The following PCDHGA2 variants were observed in gnomAD, a reference collection of about 807,000 sequenced individuals.
PCDHGA2 encodes protocadherin gamma subfamily A, 2, also known as protocadherin gamma-A2.
A neutral mutation model predicts 59.2 loss-of-function variants in PCDHGA2; 40 were observed. That is an observed-to-expected ratio of 0.68 (90% confidence interval 0.52 to 0.88). The LOEUF (loss-of-function observed/expected upper bound fraction) is 0.88. PCDHGA2 is among the 40% of genes least tolerant of loss of function. The probability of loss-of-function intolerance (pLI) is 0.00; values close to 1 mark genes in which losing one functional copy is unlikely to be tolerated. For missense variants in PCDHGA2, 1,226 were observed against 1,204.0 expected, an observed-to-expected ratio of 1.02 and a Z score of -0.27; for synonymous variants, 560 against 526.0, an observed-to-expected ratio of 1.06 and a Z score of -0.89.
Position 141,431,021 on chromosome 5 carries a change from G to A in PCDHGA2, c.2425-63786G>A. On this transcript the variant is annotated intron_variant, in intron 1 of 3. Coordinates refer to ENST00000394576, the MANE Select transcript of PCDHGA2 (RefSeq NM_018915.4). This position sits in a 1 kb window ranked among gnomAD's most constrained non-coding sequence, Gnocchi z 4.8. ...GCGCAGCGGCAGCTTGGTCACGGCG[G>A]GCAGGATAGACCGGGAGGAGCTCTG... is the stretch of plus-strand genomic sequence containing the variant. 1 of 1,613,940 alleles carries A rather than the reference G, an allele frequency of 6.2e-7. No individual in the cohort carries two copies. Among genetic ancestry groups the A allele is most frequent in the Non-Finnish European group, 8.5e-7 (1 of 1,179,936 alleles).
chr5:141,378,924 G>A (rs1426450881), intron 1 of PCDHGA2: 5 of 152,202 alleles, frequency 3.3e-5, no homozygotes, highest in African/African-American at 1.2e-4. Flanking sequence ...TCAAAAGTAA[G>A]TTGATGGCCC....
At chr5:141,391,973 G>A (rs1461017619) in intron 1 of PCDHGA2, 2 of 152,056 alleles carry the variant, frequency 1.3e-5, no homozygotes, top group Non-Finnish European at 2.9e-5. Context: ...AAATAAAATA[G>A]CAAAACAATG....
At chr5:141,500,438 T>C (rs977844035) in intron 2 of PCDHGA2, among the ~76,000 whole-genome samples, 2 of 151,816 alleles carry the variant, frequency 1.3e-5, no homozygotes, top group African/African-American at 4.8e-5. Flanking sequence ...CTCGATCTCC[T>C]GACCTCGTGA....
At chr5:141,504,269 A>T (rs7715517) in intron 2 of PCDHGA2, among the ~76,000 whole-genome samples, 3,100 of 152,246 alleles carry the variant, frequency 0.02, 113 homozygotes, top group African/African-American at 0.07. Context: ...GTATTTTTTT[A>T]AATTATGAAT....
chr5:141,346,637 G>A (rs1303742317), intron 1 of PCDHGA2: 33 of 910,742 alleles, frequency 3.6e-5, no homozygotes, highest in Non-Finnish European at 5.3e-5. Flanking sequence ...GTCTGGTTAT[G>A]GTTGAGTGGG....
chr5:141,393,927 C>T, intron 1 of PCDHGA2: 2 of 1,613,970 alleles, frequency 1.2e-6, no homozygotes, highest in South Asian at 1.1e-5. Context: ...CTTGAGTGTG[C>T]ATGACCAAGA....
At chr5:141,470,182 G>A (rs540599468) in intron 1 of PCDHGA2, among the ~76,000 whole-genome samples, 1 of 152,262 alleles carries the variant, frequency 6.6e-6, no homozygotes, top group Non-Finnish European at 1.5e-5. Context: ...AAATATTCAA[G>A]TAAACTTCAG....
At chr5:141,398,818 C>G in intron 1 of PCDHGA2, 1 of 1,613,958 alleles carries the variant, frequency 6.2e-7, no homozygotes. Flanking sequence ...GCTCCGGATC[C>G]AGGTAACCGA....
chr5:141,383,537 C>G, intron 1 of PCDHGA2: 2 of 1,612,570 alleles, frequency 1.2e-6, no homozygotes, highest in Non-Finnish European at 1.7e-6. Context: ...CTGGTCCTCA[C>G]AGCCTCTGAT....
chr5:141,421,071 A>G (rs1197006989), intron 1 of PCDHGA2: 1 of 608,760 alleles, frequency 1.6e-6, no homozygotes, highest in East Asian at 2.9e-5. Flanking sequence ...GCGGAATGAG[A>G]TGGATACTCA....
rs750116599 is a variant in PCDHGA2, at chr5:141,341,120, C to A, written c.2149C>A (p.Arg717=). ...CATCGTGTTGCTGGCGCACAGGCTGCGGCGCTGGCACAAGTCACGCCTGCT... is the reference window on the plus strand; with the variant it reads ...CATCGTGTTGCTGGCGCACAGGCTGAGGCGCTGGCACAAGTCACGCCTGCT... The part of the protein sequence containing the change: ...FVIVLLAHRL[R]RWHKSRLLQA... Residue 717 remains arginine, a synonymous_variant, in exon 1 of 4, where the codon CGG becomes AGG. Transcript: ENST00000394576. 1.1e-5 allele frequency: 17 copies of A among 1,614,214 alleles called. No individual in the cohort carries two copies. Among genetic ancestry groups the A allele is most frequent in the Non-Finnish European group, 1.4e-5 (17 of 1,180,040 alleles).
At chr5:141,415,885 C>G in intron 1 of PCDHGA2, 2 of 979,016 alleles carry the variant, frequency 2.0e-6, no homozygotes, top group Non-Finnish European at 2.7e-6. Flanking sequence ...ACAATATTGA[C>G]AATTCCTAAG....
chr5:141,351,016 A>C, intron 1 of PCDHGA2: 1 of 1,614,078 alleles, frequency 6.2e-7, no homozygotes, highest in Non-Finnish European at 8.5e-7. Context: ...AAGAAAACGT[A>C]CCGTGGGGAA....
At chr5:141,496,817 T>C (rs2099771666) in intron 2 of PCDHGA2, among the ~76,000 whole-genome samples, 1 of 151,020 alleles carries the variant, frequency 6.6e-6, no homozygotes, top group Non-Finnish European at 1.5e-5. Flanking sequence ...AGTGAACAAG[T>C]AGATGTGATC....
rs2099883943 is a variant in PCDHGA2, at chr5:141,511,766, G to A, written c.*593G>A. ...TGGAGGACATGATCACCATCCCCAT[G>A]GTACTGATGCTTGCTGGATTTAGGG... On this transcript the variant is annotated 3_prime_UTR_variant, in exon 4 of 4. Coordinates refer to ENST00000394576, the MANE Select transcript of PCDHGA2 (RefSeq NM_018915.4). 2 of 161,712 alleles carry A rather than the reference G, an allele frequency of 1.2e-5. No homozygotes were observed. Among genetic ancestry groups the A allele is most frequent in the Non-Finnish European group, 2.8e-5 (2 of 72,704 alleles). The allele number at this position is 161,712 out of a possible 1,614,324, so 10.0% of individuals were successfully genotyped here.
At chr5:141,361,561 G>T (rs1762075666) in intron 1 of PCDHGA2, 2 of 1,614,032 alleles carry the variant, frequency 1.2e-6, no homozygotes, top group Admixed American at 1.7e-5. Context: ...TCAAATCAGT[G>T]CCTCTGACCC....
chr5:141,477,066 T>C lies in PCDHGA2; in HGVS notation c.2425-17741T>C. ...CGGCTGGACTTCGAGGACACCAAAC[T>C]CCATGAGATTTACATCCAGGCCAAA... On this transcript the variant is annotated intron_variant, in intron 1 of 3. Coordinates refer to ENST00000394576, the MANE Select transcript of PCDHGA2 (RefSeq NM_018915.4). This position sits in a 1 kb window ranked among gnomAD's most constrained non-coding sequence, Gnocchi z 4.9. 6.2e-7 allele frequency: 1 copy of C among 1,614,148 alleles called. No homozygotes were observed. The highest frequency in any genetic ancestry group is 8.5e-7 in the Non-Finnish European group (1 of 1,180,028).
In PCDHGA2 at chr5:141,432,695, G is replaced by A. The variant is rs1275179569; in HGVS notation, c.2425-62112G>A. ...GCTCAAGCAGAGCCTCGTAGTGGCC[G>A]TCCAGGACCACGGCCAGCCCCCTCT... On this transcript the variant is annotated intron_variant, in intron 1 of 3. Coordinates refer to ENST00000394576, the MANE Select transcript of PCDHGA2 (RefSeq NM_018915.4). This position sits in a 1 kb window ranked among gnomAD's most constrained non-coding sequence, Gnocchi z 6.0. The A allele has an allele frequency of 3.1e-6, 5 of 1,613,822 alleles. No homozygotes were observed. The highest frequency in any genetic ancestry group is 1.7e-5 in the Admixed American group (1 of 60,002).
At position 141,476,753 on chromosome 5, in the gene PCDHGA2, G is replaced by C; in HGVS notation, c.2425-18054G>C. On this transcript the variant is annotated intron_variant, in intron 1 of 3. Coordinates refer to ENST00000394576, the MANE Select transcript of PCDHGA2 (RefSeq NM_018915.4). This position sits in a 1 kb window ranked among gnomAD's most constrained non-coding sequence, Gnocchi z 7.6. Reference sequence around the variant, plus strand: ...AGAACGGGAGCCTAGTCTCCAGTTAGTGCTGACGGCGTTGGACGGAGGGAC... The same window carrying C: ...AGAACGGGAGCCTAGTCTCCAGTTACTGCTGACGGCGTTGGACGGAGGGAC... 3.1e-6 allele frequency: 5 copies of C among 1,614,012 alleles called. No individual in the cohort carries two copies. The highest frequency in any genetic ancestry group is 4.2e-6 in the Non-Finnish European group (5 of 1,180,030).
Sources: gnomAD v4.1 joint callset for allele counts (sites outside exome capture counted in the v4.1 genomes callset) on GRCh38, gnomAD v4.1.1 for gene constraint, Gnocchi (gnomAD v3.1) non-coding constraint, MANE v1.5 for transcripts, NCBI Gene and HGNC (gene_info 2026-07-23, HGNC 2026-07-21) for gene names.